Variants in ZBTB11 observed in about 807,000 individuals in gnomAD.
ZBTB11 encodes zinc finger and BTB domain-containing protein 11.
A neutral mutation model predicts 113.1 loss-of-function variants in ZBTB11; 68 were observed. That is an observed-to-expected ratio of 0.60 (90% CI 0.49 to 0.74). The LOEUF (loss-of-function observed/expected upper bound fraction) is 0.74, where lower values mean the gene tolerates loss of function less well. Ranked by LOEUF, ZBTB11 falls within the 30% of genes least tolerant of loss-of-function variation. ZBTB11 has a pLI of 0.00. For synonymous variants in ZBTB11, 518 were observed against 452.6 expected, an observed-to-expected ratio of 1.14 and a Z score of -1.83; for missense variants, 1,104 against 1,279.4, an observed-to-expected ratio of 0.86 and a Z score of 2.09.
chr3:101,676,987 G>A lies in ZBTB11; in HGVS notation c.-73C>T. 1 of 1,458,752 alleles carries A rather than the reference G, an allele frequency of 6.9e-7. No individual in the cohort carries two copies. 90.4% of individuals were successfully genotyped at this position (1,458,752 alleles called of 1,614,324 possible). A position where few individuals can be genotyped will look rare whatever the true frequency, so the allele number is the denominator to read the frequency against. The stretch of plus-strand genomic sequence containing the variant: ...AACGGCCCGCTACCTACGGGCGGCT[G>A]CAGGAGGAGCGGCGGCACCGTAGGG... On this transcript the variant is annotated 5_prime_UTR_variant, in exon 1 of 11. Coordinates refer to ENST00000312938, the MANE Select transcript of ZBTB11 (RefSeq NM_014415.4).
intron 5 of ZBTB11, among the ~76,000 whole-genome samples, chr3:101,662,711 G>T (rs968490507): frequency 7.9e-5 from 12 of 151,686 alleles, no homozygotes; most frequent in African/African-American, 2.9e-4. Context: ...ATGTTCTGAA[G>T]TTTTTTTCTT....
chr3:101,660,211 G>A (rs1936864719), intron 5 of ZBTB11, among the ~76,000 whole-genome samples, 183 bp from the exon 6 acceptor site: 1 of 152,108 alleles, frequency 6.6e-6, no homozygotes, highest in African/African-American at 2.4e-5. Flanking sequence ...ATTCTGCAGA[G>A]GCTAAAGTCT....
In ZBTB11 at chr3:101,659,867, G is replaced by A. The variant is rs1278183649; in HGVS notation, c.1962C>T (p.Ser654=). ...ATTTAGGTAATGTTCTTCCACATAT[G>A]GAACATATAAATTCCCGCTTGGTTC... ...KGRTKREFIC[S]ICGRTLPKLY... The change falls in exon 6 of 11, where the codon TCC becomes TCT. Residue 654 remains serine (S), a synonymous_variant. Transcript: ENST00000312938. 4 of 1,614,112 alleles carry A rather than the reference G, an allele frequency of 2.5e-6. No individual in the cohort carries two copies. In the East Asian group the frequency reaches 8.9e-5, roughly 36 times the overall value.
At position 101,651,170 on chromosome 3, in the gene ZBTB11, TCTC is replaced by T. The variant is rs1471089539; in HGVS notation, c.3155_3157del (p.Gly1052del). ...TTTTTATCTTCATTAACATACTCAT[TCTC>T]CTCCTGAAATATGTGCTACCTCTAC... On this transcript the variant is annotated inframe_deletion, in exon 11 of 11. Transcript: ENST00000312938. 3.2e-6 allele frequency: 5 copies of T among 1,575,220 alleles called. No individual in the cohort carries two copies. Among genetic ancestry groups the T allele is most frequent in the Admixed American group, 3.7e-5 (2 of 53,920 alleles).
At chr3:101,670,348 C>G (rs137873751) in intron 3 of ZBTB11, among the ~76,000 whole-genome samples, 2 of 152,086 alleles carry the variant, frequency 1.3e-5, no homozygotes, top group African/African-American at 4.8e-5. Context: ...GATGAGAAAA[C>G]GTATAAATAA....
intron 2 of ZBTB11, 86 bp from the exon 3 acceptor site, chr3:101,671,447 T>C: frequency 1.1e-6 from 1 of 883,160 alleles, no homozygotes; most frequent in Non-Finnish European, 1.8e-6. Context: ...ACATTACATA[T>C]TACCTTTTAC....
intron 3 of ZBTB11, among the ~76,000 whole-genome samples, chr3:101,668,381 A>G (rs1195797235): frequency 6.6e-6 from 1 of 152,178 alleles, no homozygotes; most frequent in Non-Finnish European, 1.5e-5. Context: ...ACCCCCTGTA[A>G]TATCAGTGCT....
At position 101,656,125 on chromosome 3, in the gene ZBTB11, C is replaced by A; in HGVS notation, c.2170G>T (p.Glu724Ter). Residue 724 changes from glutamate to a stop codon, truncating the protein, a stop_gained, in exon 7 of 11, where the codon GAA becomes TAA. Transcript: ENST00000312938. LOFTEE classifies it high-confidence loss of function. ...KSFVTKRSLQEHMSIHTGESK... is the reference protein window; with the variant it reads ...KSFVTKRSLQ ...TTACCTGTGTGAATACTCATATGTT[C>A]TTGAAGACTCCGTTTGGTAACAAAT... is the stretch of plus-strand genomic sequence containing the variant. 6.3e-7 allele frequency: 1 copy of A among 1,587,302 alleles called. No individual in the cohort carries two copies. Among genetic ancestry groups the A allele is most frequent in the Non-Finnish European group, 8.6e-7 (1 of 1,168,970 alleles).
At position 101,664,630 on chromosome 3, in the gene ZBTB11, T is replaced by C. The variant is rs760446487; in HGVS notation, c.1708A>G (p.Lys570Glu). The C allele has an allele frequency of 6.2e-7, 1 of 1,613,964 alleles. No homozygotes were observed. Among genetic ancestry groups the C allele is most frequent in the African/African-American group, 1.3e-5 (1 of 75,054 alleles). The change falls in exon 5 of 11, where the codon AAA (lysine) becomes GAA (glutamate). Residue 570 changes from lysine to glutamate, a missense_variant. Physicochemically the swap from Lys to Glu is moderately conservative, Grantham distance 56. Around this residue, in one of 5 missense-constraint regions of ZBTB11, gnomAD observed 535 missense variants for 518.6 expected, o/e 1.03. Coordinates refer to ENST00000312938, the MANE Select transcript of ZBTB11 (RefSeq NM_014415.4). ...AKENTEEASH[K>E]CGECGMVFQR... ...AAAACCATTCCACATTCCCCACATTTATGAGATGCTTCTTCTGTGTTCTCT... is the reference window on the plus strand; with the variant it reads ...AAAACCATTCCACATTCCCCACATTCATGAGATGCTTCTTCTGTGTTCTCT...
intron 5 of ZBTB11, 95 bp downstream of exon 5, chr3:101,664,443 G>C: frequency 8.0e-7 from 1 of 1,249,036 alleles, no homozygotes; most frequent in Non-Finnish European, 1.1e-6. Flanking sequence ...AGCCATATAA[G>C]ACATAGAATA....
intron 5 of ZBTB11, among the ~76,000 whole-genome samples, chr3:101,661,833 TG>T (rs1936892760): frequency 1.3e-5 from 2 of 152,214 alleles, no homozygotes; most frequent in Non-Finnish European, 2.9e-5. Flanking sequence ...TTCCATGTTC[TG>T]TTTGAAAATA....
At chr3:101,675,865 C>A (rs1320195882) in intron 1 of ZBTB11, among the ~76,000 whole-genome samples, 1 of 152,080 alleles carries the variant, frequency 6.6e-6, no homozygotes, top group Non-Finnish European at 1.5e-5. Context: ...GAGGCCGAGG[C>A]GGGAGGATGG....
At chr3:101,669,679 G>GA (rs1012450978) in intron 3 of ZBTB11, among the ~76,000 whole-genome samples, 7 of 146,424 alleles carry the variant, frequency 4.8e-5, no homozygotes, top group South Asian at 4.3e-4. Flanking sequence ...ACCAAACCCA[G>GA]AAAAAAAAAA....
At chr3:101,661,368 G>A (rs949922051) in intron 5 of ZBTB11, among the ~76,000 whole-genome samples, 4 of 152,062 alleles carry the variant, frequency 2.6e-5, no homozygotes, top group Non-Finnish European at 4.4e-5. Flanking sequence ...TGGATGCCAT[G>A]TTTTGTATTT....
In ZBTB11 at chr3:101,665,401, G is replaced by A; in HGVS notation, c.1186C>T (p.Leu396=). ...TCAGCTATACATCCTACTGATGACAGGGCAGATTCAGCCTCTGAAGAAACC... is the reference window on the plus strand; with the variant it reads ...TCAGCTATACATCCTACTGATGACAAGGCAGATTCAGCCTCTGAAGAAACC... ...PQVSSEAESA[L]SSVGCIADSH... is the part of the protein sequence containing the mutation. Residue 396 remains leucine, a synonymous_variant, in exon 4 of 11, where the codon CTG becomes TTG. Transcript: ENST00000312938. 2 of 1,614,188 alleles carry A rather than the reference G, an allele frequency of 1.2e-6. No homozygotes were observed. The highest frequency in any genetic ancestry group is 1.7e-6 in the Non-Finnish European group (2 of 1,180,022).
chr3:101,673,047 T>C (rs1412954803), intron 1 of ZBTB11, among the ~76,000 whole-genome samples: 1 of 152,238 alleles, frequency 6.6e-6, no homozygotes, highest in Non-Finnish European at 1.5e-5. Context: ...AGTTATGAGA[T>C]TTTAGGGTTG....
Position 101,659,933 on chromosome 3 carries a change from G to T in ZBTB11, c.1896C>A (p.Ser632=). 1 of 1,614,120 alleles carries T rather than the reference G, an allele frequency of 6.2e-7. No individual in the cohort carries two copies. The highest frequency in any genetic ancestry group is 1.1e-5 in the South Asian group (1 of 91,070). Residue 632 remains serine, a synonymous_variant, in exon 6 of 11, where the codon TCC becomes TCA. Transcript: ENST00000312938. The part of the protein sequence containing the change: ...KDAPSSSSSN[S]TSNEASGTSS... ...ATGTTCCCGATGCTTCATTAGACGTGGAATTGGACGAGGATGAAGAGGGTG... is the reference window on the plus strand; with the variant it reads ...ATGTTCCCGATGCTTCATTAGACGTTGAATTGGACGAGGATGAAGAGGGTG...
At chr3:101,666,421 G>T (rs1307559648) in intron 3 of ZBTB11, among the ~76,000 whole-genome samples, 1 of 152,214 alleles carries the variant, frequency 6.6e-6, no homozygotes, top group Non-Finnish European at 1.5e-5. Flanking sequence ...AATGGACGCA[G>T]CTGTGTTCCA....
chr3:101,653,399 T>C (rs1333552526), intron 8 of ZBTB11, among the ~76,000 whole-genome samples: 2 of 152,180 alleles, frequency 1.3e-5, no homozygotes, highest in African/African-American at 2.4e-5. Flanking sequence ...AGGGCTTTGA[T>C]GGAACTACCA....
Sources: allele counts gnomAD v4.1 joint callset (sites outside exome capture counted in the v4.1 genomes callset), GRCh38; gene constraint gnomAD v4.1.1; regional missense constraint gnomAD v4.1.1; transcripts MANE v1.5; gene names NCBI Gene and HGNC (gene_info 2026-07-23, HGNC 2026-07-21).